NR1I2: variants seen among roughly 807,000 people sequenced by gnomAD.
NR1I2 encodes nuclear receptor subfamily 1 group I member 2, also known as orphan nuclear receptor PAR1.
A neutral mutation model predicts 43.3 loss-of-function variants in NR1I2; 42 were observed. That is an observed-to-expected ratio of 0.97 (90% CI 0.76 to 1.26). The LOEUF (loss-of-function observed/expected upper bound fraction) is 1.26. Among genes scored for constraint, NR1I2 ranks in the 50% most tolerant of loss-of-function variants. NR1I2 has a pLI of 0.00. For synonymous variants in NR1I2, 229 were observed against 215.0 expected (o/e 1.06, Z -0.57); for missense variants, 559 against 566.7 (o/e 0.99, Z 0.14).
At chr3:119,797,308 A>G (rs1197571232) in intron 1 of NR1I2, among the ~76,000 whole-genome samples, 2 of 152,026 alleles carry the variant, frequency 1.3e-5, no homozygotes, top group African/African-American at 4.8e-5. Flanking sequence ...ATTCACAGAA[A>G]GGAAATGGCC....
At position 119,800,035 on chromosome 3, in the gene NR1I2, C is replaced by T. The variant is rs192915229; in HGVS notation, c.-22-7194C>T. 5.8e-3 allele frequency among the ~76,000 whole-genome samples: 876 copies of T among 152,264 alleles called. 8 individuals carry two copies. The highest frequency in any genetic ancestry group is 0.01 in the Non-Finnish European group (696 of 68,028). ...AAAGACATATAATACCCGAAGCCTT[C>T]ACGCTTTTGGTGTCACATCTAAGAA... On this transcript the variant is annotated intron_variant, in intron 1 of 8. Coordinates refer to ENST00000393716, the MANE Select transcript of NR1I2 (RefSeq NM_003889.4).
intron 8 of NR1I2, among the ~76,000 whole-genome samples, chr3:119,816,827 G>GAA (rs10714748): frequency 0.012 from 1,602 of 131,830 alleles, 28 homozygotes; most frequent in African/African-American, 0.04. Context: ...TCCCTTTAAA[G>GAA]AAAAAAAAAA....
chr3:119,785,021 A>T (rs1245458488), intron 1 of NR1I2, among the ~76,000 whole-genome samples: 1 of 152,240 alleles, frequency 6.6e-6, no homozygotes, highest in Non-Finnish European at 1.5e-5. Flanking sequence ...ATCTATATAT[A>T]GTAAGAGTTT....
Position 119,815,366 on chromosome 3 carries a change from C to T in NR1I2, c.981C>T (p.His327=). Residue 327 remains histidine, a synonymous_variant, in exon 7 of 9, where the codon CAC becomes CAT. Transcript: ENST00000393716. ...TACTGGAGCCCATGCTGAAATTCCACTACATGCTGAAGAAGCTGCAGCTGC... is the reference window on the plus strand; with the variant it reads ...TACTGGAGCCCATGCTGAAATTCCATTACATGCTGAAGAAGCTGCAGCTGC... The T allele has an allele frequency of 1.2e-6, 2 of 1,613,982 alleles. No homozygotes were observed. Among genetic ancestry groups the T allele is most frequent in the Non-Finnish European group, 8.5e-7 (1 of 1,180,024 alleles).
chr3:119,805,330 T>C (rs907234368), intron 1 of NR1I2, among the ~76,000 whole-genome samples: 2 of 152,210 alleles, frequency 1.3e-5, no homozygotes, highest in Admixed American at 6.5e-5. Context: ...TATTTGCTCA[T>C]ATTTCTTTGA....
In NR1I2 at chr3:119,811,586, C is replaced by A. The variant is rs555441030; in HGVS notation, c.379C>A (p.Arg127=). Reference sequence around the variant, plus strand: ...GGAGGAGAGGCGGGCCTTGATCAAGCGGAAGAAAAGTGAACGGACAGGGAC... The same window carrying A: ...GGAGGAGAGGCGGGCCTTGATCAAGAGGAAGAAAAGTGAACGGACAGGGAC... The change falls in exon 4 of 9, where the codon CGG becomes AGG. Residue 127 remains arginine, a synonymous_variant. Coordinates refer to ENST00000393716, the MANE Select transcript of NR1I2 (RefSeq NM_003889.4). The A allele has an allele frequency of 3.7e-6, 6 of 1,613,522 alleles. No individual in the cohort carries two copies. In the East Asian group the frequency reaches 1.3e-4, roughly 36 times the overall value.
At chr3:119,788,237 C>T (rs2054872388) in intron 1 of NR1I2, among the ~76,000 whole-genome samples, 1 of 152,138 alleles carries the variant, frequency 6.6e-6, no homozygotes, top group African/African-American at 2.4e-5. Context: ...CCTCAGCCCC[C>T]CAGAGAGCTG....
intron 2 of NR1I2, among the ~76,000 whole-genome samples, chr3:119,809,548 G>C (rs2055207217): frequency 7.1e-6 from 1 of 141,368 alleles, no homozygotes; most frequent in Non-Finnish European, 1.6e-5. Context: ...GGCGGGGGGT[G>C]GGGGGAAGGC....
chr3:119,792,286 A>G, intron 1 of NR1I2: 1 of 1,493,294 alleles, frequency 6.7e-7, no homozygotes, highest in Non-Finnish European at 9.2e-7. Context: ...GACCTTATGG[A>G]GCGAGCAGCC....
chr3:119,806,902 C>G (rs183683016), intron 1 of NR1I2, among the ~76,000 whole-genome samples: 61 of 152,308 alleles, frequency 4.0e-4, no homozygotes, highest in African/African-American at 1.4e-3. Context: ...TAACCTCAGT[C>G]CACTCAGCTG....
chr3:119,806,284 AT>A (rs965020166), intron 1 of NR1I2, among the ~76,000 whole-genome samples: 9 of 151,640 alleles, frequency 5.9e-5, no homozygotes, highest in African/African-American at 2.2e-4. Context: ...GTACAGCTCA[AT>A]TTTTTTTCTT....
Position 119,811,726 on chromosome 3 carries a change from G to A in NR1I2, c.519G>A (p.Arg173=), listed in dbSNP as rs751356643. ...CCTTCTCCCATTTCAAGAATTTCCG[G>A]GTAGGAGGAACTGCACAGTGACCCG... is the stretch of plus-strand genomic sequence containing the variant. Residue 173 remains arginine, a splice_region_variant and synonymous_variant, in exon 4 of 9, where the codon CGG becomes CGA. Coordinates refer to ENST00000393716, the MANE Select transcript of NR1I2 (RefSeq NM_003889.4). The A allele has an allele frequency of 3.1e-6, 5 of 1,605,226 alleles. No homozygotes were observed. In the African/African-American group the frequency reaches 6.7e-5, roughly 21 times the overall value.
intron 1 of NR1I2, among the ~76,000 whole-genome samples, chr3:119,793,751 A>G (rs2054953512): frequency 1.3e-5 from 2 of 152,216 alleles, no homozygotes; most frequent in African/African-American, 4.8e-5. Flanking sequence ...TTGCCATATA[A>G]GGAAACATAT....
intron 5 of NR1I2, among the ~76,000 whole-genome samples, chr3:119,813,594 G>T (rs2055276065): frequency 6.6e-6 from 1 of 152,092 alleles, no homozygotes; most frequent in Non-Finnish European, 1.5e-5. Context: ...GCCAAGCCTG[G>T]TCAAGTGGGG....
At chr3:119,798,369 T>A (rs995872718) in intron 1 of NR1I2, among the ~76,000 whole-genome samples, 1 of 152,186 alleles carries the variant, frequency 6.6e-6, no homozygotes, top group African/African-American at 2.4e-5. Flanking sequence ...TGTCCAGAAA[T>A]GTCCAGTTGA....
In NR1I2 at chr3:119,815,657, C is replaced by T. The variant is rs548394209; in HGVS notation, c.1055-69C>T. The T allele has an allele frequency of 3.1e-5, 43 of 1,385,216 alleles. No individual in the cohort carries two copies. In the East Asian group the frequency reaches 1.0e-3, roughly 32 times the overall value. 85.8% of individuals were successfully genotyped at this position (1,385,216 alleles called of 1,614,324 possible). On this transcript the variant is annotated intron_variant, in intron 7 of 8. Coordinates refer to ENST00000393716, the MANE Select transcript of NR1I2 (RefSeq NM_003889.4). ...TCTGGAGGGTGGTTGGCGAGCAATG[C>T]CCTGACTCTGGGCTGGACTGAGCTT... is the stretch of plus-strand genomic sequence containing the variant.
At chr3:119,809,471 A>G (rs1355627091) in intron 2 of NR1I2, among the ~76,000 whole-genome samples, 10 of 150,734 alleles carry the variant, frequency 6.6e-5, no homozygotes, top group African/African-American at 2.4e-4. Context: ...CGTAGGGTAT[A>G]AGAACTTCCC....
At chr3:119,792,265 A>G (rs2054930738) in intron 1 of NR1I2, 3 of 1,542,460 alleles carry the variant, frequency 1.9e-6, no homozygotes, top group African/African-American at 1.4e-5. Flanking sequence ...GTCTCCAGGC[A>G]GGTGAGCGAC....
At position 119,815,350 on chromosome 3, in the gene NR1I2, C is replaced by G. The variant is rs1275367503; in HGVS notation, c.965C>G (p.Pro322Arg). 10 of 1,613,914 alleles carry G rather than the reference C, an allele frequency of 6.2e-6. No homozygotes were observed. The highest frequency in any genetic ancestry group is 7.6e-6 in the Non-Finnish European group (9 of 1,180,028). The stretch of plus-strand genomic sequence containing the variant: ...GGCTTCCAGCAACTTCTACTGGAGC[C>G]CATGCTGAAATTCCACTACATGCTG... The change falls in exon 7 of 9, where the codon CCC (proline) becomes CGC (arginine). Residue 322 changes from proline to arginine, a missense_variant. Transcript: ENST00000393716.
Sources: gnomAD v4.1 joint callset for allele counts (sites outside exome capture counted in the v4.1 genomes callset) on GRCh38, gnomAD v4.1.1 for gene constraint, MANE v1.5 for transcripts, NCBI Gene and HGNC (gene_info 2026-07-23, HGNC 2026-07-21) for gene names.